LSAMP: variants seen among roughly 807,000 people sequenced by gnomAD.
The protein encoded by LSAMP is limbic system-associated membrane protein.
Under a neutral mutation model 38.6 loss-of-function variants are expected in LSAMP, and 7 were observed. That is an observed-to-expected ratio of 0.18 (90% CI 0.10 to 0.34). The LOEUF (loss-of-function observed/expected upper bound fraction) is 0.34, where lower values mean the gene tolerates loss of function less well. LSAMP is among the 10% of genes least tolerant of loss of function. LSAMP has a pLI of 1.00. For synonymous variants in LSAMP, 154 were observed against 166.8 expected (o/e 0.92, Z 0.59); for missense variants, 313 against 420.0 (o/e 0.75, Z 2.23).
chr3:116,332,025 C>G (rs914389217), intron 1 of LSAMP, among the ~76,000 whole-genome samples: 2 of 151,808 alleles, frequency 1.3e-5, no homozygotes, highest in African/African-American at 2.4e-5. Flanking sequence ...TTTTTTGGTA[C>G]AGATGGTGTC....
chr3:115,909,901 C>T (rs578172860), intron 3 of LSAMP, among the ~76,000 whole-genome samples: 1 of 152,096 alleles, frequency 6.6e-6, no homozygotes, highest in Non-Finnish European at 1.5e-5. Flanking sequence ...GTGTTTCACT[C>T]TTCTAAAAAG....
intron 1 of LSAMP, among the ~76,000 whole-genome samples, chr3:116,372,227 G>C (rs1158211946): frequency 6.6e-6 from 1 of 151,878 alleles, no homozygotes; most frequent in African/African-American, 2.4e-5. Context: ...ACATATATAG[G>C]CCAATGGAAT....
chr3:116,251,378 G>C (rs762321225), intron 1 of LSAMP, among the ~76,000 whole-genome samples: 1 of 152,158 alleles, frequency 6.6e-6, no homozygotes, highest in African/African-American at 2.4e-5. Flanking sequence ...TAGAAAACAG[G>C]CAGAAAGTAC....
intron 3 of LSAMP, among the ~76,000 whole-genome samples, chr3:115,952,525 C>G (rs1009603628): frequency 1.3e-5 from 2 of 152,070 alleles, no homozygotes; most frequent in Non-Finnish European, 2.9e-5. Context: ...TATGAGGACA[C>G]GAAAGCATAA....
intron 1 of LSAMP, among the ~76,000 whole-genome samples, chr3:116,384,048 T>G (rs1576180242): frequency 6.6e-6 from 1 of 152,136 alleles, no homozygotes; most frequent in East Asian, 1.9e-4. Flanking sequence ...AACAAGTACA[T>G]GCTCATTTCA....
chr3:116,222,280 AC>A (rs1243354836), intron 1 of LSAMP, among the ~76,000 whole-genome samples: 26 of 147,616 alleles, frequency 1.8e-4, no homozygotes, highest in African/African-American at 5.8e-4. Context: ...AAAAAAAAAA[AC>A]CAAATCAATT....
At chr3:116,221,875 G>GTGTGTT (rs2046290223) in intron 1 of LSAMP, among the ~76,000 whole-genome samples, 1 of 151,872 alleles carries the variant, frequency 6.6e-6, no homozygotes, top group South Asian at 2.1e-4. Context: ...GTGTGTGTGT[G>GTGTGTT]TGTAGGTGAG....
In LSAMP at chr3:116,380,837, T is replaced by A. The variant is rs1576177692; in HGVS notation, c.155+64040A>T. ...TATAGCTTTGGTTTTTTTGTTTGTT[T>A]GCCTTGGTTTGGTTTACACTGTTAC... On this transcript the variant is annotated intron_variant, in intron 1 of 6. Coordinates refer to ENST00000490035, the MANE Select transcript of LSAMP (RefSeq NM_002338.5). 2.0e-5 allele frequency among the ~76,000 whole-genome samples: 3 copies of A among 152,200 alleles called. No individual in the cohort carries two copies. In the South Asian group the frequency reaches 6.2e-4, roughly 32 times the overall value.
At chr3:116,234,421 G>A (rs9866706) in intron 1 of LSAMP, among the ~76,000 whole-genome samples, 108,298 of 151,954 alleles carry the variant, frequency 0.71, 40,319 homozygotes, top group South Asian at 0.84. Flanking sequence ...AGCCAGCTTA[G>A]AGATTTCATT....
intron 1 of LSAMP, among the ~76,000 whole-genome samples, chr3:116,383,077 T>C (rs1367218512): frequency 1.3e-5 from 2 of 152,186 alleles, no homozygotes; most frequent in Non-Finnish European, 2.9e-5. Context: ...AGCCCTTCAC[T>C]ACGTGCTATA....
At chr3:116,420,115 C>G (rs1292142736) in intron 1 of LSAMP, among the ~76,000 whole-genome samples, 1 of 127,870 alleles carries the variant, frequency 7.8e-6, no homozygotes, top group East Asian at 2.1e-4. Flanking sequence ...TTTTTTTTTT[C>G]AAGAGAAAGT....
intron 3 of LSAMP, among the ~76,000 whole-genome samples, chr3:115,989,965 TTATAA>T (rs1197469995): frequency 1.3e-5 from 2 of 151,872 alleles, no homozygotes; most frequent in African/African-American, 2.4e-5. Context: ...ACATTCAGAG[TTATAA>T]TATAAGTGGA....
At chr3:116,000,654 G>A (rs1022287992) in intron 3 of LSAMP, among the ~76,000 whole-genome samples, 1 of 152,178 alleles carries the variant, frequency 6.6e-6, no homozygotes, top group African/African-American at 2.4e-5. Flanking sequence ...GAGAAGGGGA[G>A]TGAGGAAAGA....
chr3:116,349,577 C>G (rs1377332757), intron 1 of LSAMP, among the ~76,000 whole-genome samples: 2 of 151,694 alleles, frequency 1.3e-5, no homozygotes, highest in African/African-American at 4.8e-5. Context: ...TACTGTCAGG[C>G]ACTGTTATAG....
chr3:115,964,759 G>A (rs1000027105), intron 3 of LSAMP, among the ~76,000 whole-genome samples: 8 of 152,064 alleles, frequency 5.3e-5, no homozygotes, highest in African/African-American at 1.9e-4. Flanking sequence ...TAGCTTGAAT[G>A]GGGATATTTC....
At chr3:116,159,436 G>A (rs1431893407) in intron 1 of LSAMP, among the ~76,000 whole-genome samples, 1 of 151,998 alleles carries the variant, frequency 6.6e-6, no homozygotes, top group Non-Finnish European at 1.5e-5. Flanking sequence ...TAAAAAGTGG[G>A]CAAAGGGCAT....
intron 1 of LSAMP, among the ~76,000 whole-genome samples, chr3:116,399,214 A>T (rs955828620): frequency 1.3e-5 from 2 of 152,206 alleles, no homozygotes; most frequent in African/African-American, 4.8e-5. Flanking sequence ...TCATTCTAAG[A>T]ATAATGGGGA....
At chr3:116,278,550 A>T (rs1457010947) in intron 1 of LSAMP, among the ~76,000 whole-genome samples, 2 of 152,162 alleles carry the variant, frequency 1.3e-5, no homozygotes, top group Non-Finnish European at 2.9e-5. Context: ...CACAATTATG[A>T]CTGTTTTCAT....
chr3:116,352,677 C>T (rs972494827), intron 1 of LSAMP, among the ~76,000 whole-genome samples: 17 of 152,198 alleles, frequency 1.1e-4, no homozygotes, highest in African/African-American at 4.1e-4. Context: ...AAAGTTATCT[C>T]GTTAATCTTA....
Sources: gnomAD v4.1 joint callset for allele counts (sites outside exome capture counted in the v4.1 genomes callset) on GRCh38, gnomAD v4.1.1 for gene constraint, MANE v1.5 for transcripts, NCBI Gene and HGNC (gene_info 2026-07-23, HGNC 2026-07-21) for gene names.